The following TMEM63B variants were observed in gnomAD, a reference collection of about 807,000 sequenced individuals.
TMEM63B encodes the protein transmembrane protein 63B, also known as mechanosensitive cation channel TMEM63B.
A neutral mutation model predicts 102.6 loss-of-function variants in TMEM63B; 23 were observed. That is an observed-to-expected ratio of 0.22 (90% CI 0.16 to 0.32). The LOEUF is 0.32. Among genes scored for constraint, TMEM63B ranks in the 10% least tolerant of loss-of-function variants. The pLI is 1.00. For missense variants in TMEM63B, 628 were observed against 1,095.9 expected (o/e 0.57, Z 6.03); for synonymous variants, 444 against 437.0 (o/e 1.02, Z -0.20).
intron 4 of TMEM63B, among the ~76,000 whole-genome samples, chr6:44,135,710 G>C (rs766198044): frequency 2.0e-5 from 3 of 152,238 alleles, no homozygotes; most frequent in Non-Finnish European, 2.9e-5. Context: ...GTCACCAGCA[G>C]CTTCTTGTCC....
chr6:44,155,496 A>G lies in TMEM63B; in HGVS notation c.*613A>G, dbSNP rs1011084021. The G allele has an allele frequency of 6.6e-6, 1 of 151,370 alleles. No individual in the cohort carries two copies. Among genetic ancestry groups the G allele is most frequent in the Non-Finnish European group, 1.5e-5 (1 of 67,898 alleles). 9.4% of individuals were successfully genotyped at this position (151,370 alleles called of 1,614,324 possible). On this transcript the variant is annotated 3_prime_UTR_variant, in exon 24 of 24. Transcript: ENST00000323267. The stretch of plus-strand genomic sequence containing the variant: ...GTTCTTTTTTGTTTTTTTCCTTTAA[A>G]ATAAAAACAAAGAAAAGCTCTGAGG...
Position 44,147,359 on chromosome 6 carries a change from G to T in TMEM63B, c.864-18G>T. 1 of 1,614,108 alleles carries T rather than the reference G, an allele frequency of 6.2e-7. No individual in the cohort carries two copies. The highest frequency in any genetic ancestry group is 8.5e-7 in the Non-Finnish European group (1 of 1,180,004). On this transcript the variant is annotated intron_variant, in intron 11 of 23. Transcript: ENST00000323267. ...CCCCAGCCCCAGATGTAGGTGACCA[G>T]GCATCTGGGTCCCACAGGAAGAAGG...
At chr6:44,142,131 A>G (rs1018998234) in intron 10 of TMEM63B, among the ~76,000 whole-genome samples, 3 of 151,498 alleles carry the variant, frequency 2.0e-5, no homozygotes, top group Admixed American at 1.3e-4. Flanking sequence ...AATGTTTCAA[A>G]AAATAAAAAA....
chr6:44,141,148 C>A (rs920362845), intron 10 of TMEM63B, 50 bp downstream of exon 10: 1 of 1,578,660 alleles, frequency 6.3e-7, no homozygotes. Context: ...GCAGAGCCTT[C>A]TCTGCCTTTG....
intron 10 of TMEM63B, among the ~76,000 whole-genome samples, chr6:44,145,467 C>G (rs1765180337): frequency 6.6e-6 from 1 of 151,748 alleles, no homozygotes; most frequent in South Asian, 2.1e-4. Context: ...TGGCACACAC[C>G]TGTAATCCCA....
intron 2 of TMEM63B, 110 bp downstream of exon 2, chr6:44,134,853 C>A: frequency 6.6e-7 from 1 of 1,508,748 alleles, no homozygotes; most frequent in African/African-American, 1.4e-5. Context: ...CAGGCTTAAG[C>A]AGGAGGAGTC....
intron 1 of TMEM63B, among the ~76,000 whole-genome samples, chr6:44,133,750 T>TC (rs975018458): frequency 6.6e-6 from 1 of 151,900 alleles, no homozygotes; most frequent in African/African-American, 2.4e-5. Context: ...CCCCACCCAC[T>TC]CCCCCCTCCT....
chr6:44,134,824 C>T (rs1762594711), intron 2 of TMEM63B, 81 bp downstream of exon 2: 28 of 1,495,302 alleles, frequency 1.9e-5, no homozygotes, highest in Non-Finnish European at 2.5e-5. Context: ...TAACCACTCT[C>T]CCACCTGCCC....
chr6:44,152,584 C>A lies in TMEM63B; in HGVS notation c.1837-9C>A, dbSNP rs754950053. ...CCCTGAGCCATCCTCCTGCCCGTCT[C>A]CCCCCCAGCATCAGGCCTACGAGTT... On this transcript the variant is annotated splice_polypyrimidine_tract_variant and intron_variant, in intron 19 of 23. Coordinates refer to ENST00000323267, the MANE Select transcript of TMEM63B (RefSeq NM_018426.3). The surrounding 1 kb of genome is among the most constrained non-coding windows in gnomAD (Gnocchi z 6.4). 2 of 1,595,910 alleles carry A rather than the reference C, an allele frequency of 1.3e-6. No homozygotes were observed. The highest frequency in any genetic ancestry group is 1.7e-6 in the Non-Finnish European group (2 of 1,170,364).
At chr6:44,145,762 C>A (rs150713623) in intron 10 of TMEM63B, among the ~76,000 whole-genome samples, 2,453 of 151,990 alleles carry the variant, frequency 0.016, 27 homozygotes, top group Middle Eastern at 0.058. Context: ...ACAACAAGAC[C>A]CCATCTCAGA....
rs547725983 is a variant in TMEM63B, at chr6:44,150,069, C to T, written c.1520+104C>T. On this transcript the variant is annotated intron_variant, in intron 16 of 23. Transcript: ENST00000323267. The surrounding 1 kb of genome is among the most constrained non-coding windows in gnomAD (Gnocchi z 4.7). ...TTCAGGCTCCTGGCCCTGGGCAGTC[C>T]CACAGCTGGTAGGGAAGGGGTAGTG... 9.5e-6 allele frequency: 13 copies of T among 1,368,290 alleles called. No individual in the cohort carries two copies. The South Asian group carries it at 1.5e-4, about 16-fold the overall frequency. 84.8% of individuals were successfully genotyped at this position (1,368,290 alleles called of 1,614,324 possible). A position where few individuals can be genotyped will look rare whatever the true frequency, so the allele number is the denominator to read the frequency against.
At chr6:44,128,297 A>G (rs1582745035) in intron 1 of TMEM63B, among the ~76,000 whole-genome samples, 1 of 151,618 alleles carries the variant, frequency 6.6e-6, no homozygotes, top group Non-Finnish European at 1.5e-5. Context: ...CGGCCCCGGG[A>G]GCGTGTCCTC....
At chr6:44,127,194 CT>C (rs1441629735), upstream of TMEM63B, 5 of 151,116 alleles carry the variant, frequency 3.3e-5, no homozygotes, top group African/African-American at 4.9e-5. Context: ...GGACCCCCCC[CT>C]CCCCGTCGGG....
At position 44,152,752 on chromosome 6, in the gene TMEM63B, AC is replaced by A; in HGVS notation, c.1942+57del. On this transcript the variant is annotated intron_variant, in intron 20 of 23. Transcript: ENST00000323267. This position sits in a 1 kb window ranked among gnomAD's most constrained non-coding sequence, Gnocchi z 6.4. ...CCTGCTCGGGGGGACCCAGGACTTC[AC>A]CCTCTCCACTCTAGGAATGCAGGCC... is the stretch of plus-strand genomic sequence containing the variant. 6.9e-7 allele frequency: 1 copy of A among 1,443,932 alleles called. No individual in the cohort carries two copies. The highest frequency in any genetic ancestry group is 9.6e-7 in the Non-Finnish European group (1 of 1,041,600). The allele number at this position is 1,443,932 out of a possible 1,614,324, so 89.4% of individuals were successfully genotyped here.
In TMEM63B at chr6:44,147,416, C is replaced by T; in HGVS notation, c.903C>T (p.Leu301=). Residue 301 remains leucine (L), a synonymous_variant, in exon 12 of 24, where the codon CTC becomes CTT. Transcript: ENST00000323267. ...GGGGAAAGCTGTACTTCACAAACCT[C>T]CAGAGCAAGGAGAACGTGCCTACCA... is the stretch of plus-strand genomic sequence containing the variant. ...AERGKLYFTN[L]QSKENVPTMI... 1 of 1,614,180 alleles carries T rather than the reference C, an allele frequency of 6.2e-7. No individual in the cohort carries two copies. Among genetic ancestry groups the T allele is most frequent in the East Asian group, 2.2e-5 (1 of 44,884 alleles).
intron 9 of TMEM63B, 65 bp from the exon 10 acceptor site, chr6:44,140,963 C>T: frequency 6.9e-7 from 1 of 1,444,494 alleles, no homozygotes; most frequent in African/African-American, 1.4e-5. Flanking sequence ...GCCCCCCACC[C>T]CTCACATCCC....
chr6:44,135,379 C>G lies in TMEM63B; in HGVS notation c.278+13C>G. On this transcript the variant is annotated intron_variant, in intron 4 of 23. Coordinates refer to ENST00000323267, the MANE Select transcript of TMEM63B (RefSeq NM_018426.3). ...TGGAACAGGAATAGTATGTGGGGCA[C>G]CAGCCCCCTCATTCCCACTAAACCA... is the stretch of plus-strand genomic sequence containing the variant. The G allele has an allele frequency of 6.2e-7, 1 of 1,607,868 alleles. No individual in the cohort carries two copies. The highest frequency in any genetic ancestry group is 1.1e-5 in the South Asian group (1 of 90,388).
intron 11 of TMEM63B, 67 bp downstream of exon 11, chr6:44,146,994 T>C (rs949070720): frequency 3.6e-5 from 54 of 1,512,808 alleles, no homozygotes; most frequent in Non-Finnish European, 4.8e-5. Flanking sequence ...ACATCTTGGC[T>C]ACCACACAGG....
At chr6:44,154,266 G>T in intron 22 of TMEM63B, 78 bp downstream of exon 22, 1 of 1,598,290 alleles carries the variant, frequency 6.3e-7, no homozygotes, top group South Asian at 1.1e-5. Flanking sequence ...CAGGGCTGGC[G>T]AGGGCTGAGG....
Sources: allele counts gnomAD v4.1 joint callset (sites outside exome capture counted in the v4.1 genomes callset), GRCh38; gene constraint gnomAD v4.1.1; non-coding constraint Gnocchi (gnomAD v3.1); transcripts MANE v1.5; gene names NCBI Gene and HGNC (gene_info 2026-07-23, HGNC 2026-07-21).